Variants in WDR26 observed in about 807,000 individuals in gnomAD.
WDR26 encodes WD repeat-containing protein 26.
WDR26 carries 5 observed loss-of-function variants against 84.1 expected under a neutral mutation model. The observed-to-expected ratio is 0.06, with a 90% CI of 0.03 to 0.13. WDR26 has a LOEUF of 0.13. Among genes scored for constraint, WDR26 ranks in the 10% least tolerant of loss-of-function variants. The probability of loss-of-function intolerance (pLI) is 1.00; values close to 1 mark genes in which losing one functional copy is unlikely to be tolerated. For synonymous variants in WDR26, 415 were observed against 389.6 expected (o/e 1.07, Z -0.77); for missense variants, 642 against 974.9 (o/e 0.66, Z 4.55).
chr1:224,422,701 T>C (rs1012209918), intron 4 of WDR26, among the ~76,000 whole-genome samples: 8 of 127,704 alleles, frequency 6.3e-5, no homozygotes, highest in Non-Finnish European at 1.3e-4. Context: ...GTGACAATAG[T>C]GAAACTCTGT....
intron 11 of WDR26, 140 bp from the exon 12 acceptor site, chr1:224,398,366 G>A: frequency 7.7e-7 from 1 of 1,291,812 alleles, no homozygotes; most frequent in Admixed American, 2.9e-5. Flanking sequence ...CAAATTTATG[G>A]TTGATTATAC....
intron 8 of WDR26, among the ~76,000 whole-genome samples, chr1:224,404,157 T>C (rs190187997): frequency 2.0e-5 from 3 of 152,300 alleles, no homozygotes; most frequent in East Asian, 1.9e-4. Flanking sequence ...TATAAAATTC[T>C]TTCTGAAGAA....
At chr1:224,419,452 AT>A in intron 5 of WDR26, 65 bp downstream of exon 5, 3 of 1,219,154 alleles carry the variant, frequency 2.5e-6, no homozygotes, top group South Asian at 2.4e-5. Context: ...TGTCTTCCTA[AT>A]TGATCACTGT....
At chr1:224,428,698 A>G (rs925995531) in intron 3 of WDR26, among the ~76,000 whole-genome samples, 9 of 151,206 alleles carry the variant, frequency 6.0e-5, no homozygotes, top group Admixed American at 2.6e-4. Flanking sequence ...GGAGTTCGAG[A>G]CCAGCCTGAC....
chr1:224,427,704 T>C (rs946189656), intron 3 of WDR26, among the ~76,000 whole-genome samples: 7 of 152,278 alleles, frequency 4.6e-5, no homozygotes, highest in African/African-American at 1.7e-4. Context: ...TGAAAGAAAA[T>C]GTTTATTCTC....
In WDR26 at chr1:224,385,675, C is replaced by G. The variant is rs1169526407; in HGVS notation, c.*4160G>C. On this transcript the variant is annotated 3_prime_UTR_variant, in exon 14 of 14. Transcript: ENST00000414423. ...AGCTTGGTTTGTAAGTACATACATGCTTTTGTGGATCTATTCCCCTCGCCA... is the reference window on the plus strand; with the variant it reads ...AGCTTGGTTTGTAAGTACATACATGGTTTTGTGGATCTATTCCCCTCGCCA... 6.6e-6 allele frequency: 1 copy of G among 152,594 alleles called. No individual in the cohort carries two copies. Among genetic ancestry groups the G allele is most frequent in the Non-Finnish European group, 1.5e-5 (1 of 68,032 alleles). 9.5% of individuals were successfully genotyped at this position (152,594 alleles called of 1,614,324 possible). A position where few individuals can be genotyped will look rare whatever the true frequency, so the allele number is the denominator to read the frequency against.
At chr1:224,389,921 A>T in intron 13 of WDR26, 61 bp from the exon 14 acceptor site, 1 of 1,251,466 alleles carries the variant, frequency 8.0e-7, no homozygotes, top group Non-Finnish European at 1.1e-6. Context: ...GGGGAAGGAG[A>T]GAAAAAAATT....
chr1:224,399,099 CAA>C lies in WDR26; in HGVS notation c.1720-67_1720-66del. The C allele has an allele frequency of 2.9e-6, 4 of 1,383,900 alleles. No individual in the cohort carries two copies. In the South Asian group the frequency reaches 7.1e-5, roughly 24 times the overall value. The allele number at this position is 1,383,900 out of a possible 1,614,324, so 85.7% of individuals were successfully genotyped here. A position where few individuals can be genotyped will look rare whatever the true frequency, so the allele number is the denominator to read the frequency against. On this transcript the variant is annotated intron_variant, in intron 9 of 13. Coordinates refer to ENST00000414423, the MANE Select transcript of WDR26 (RefSeq NM_001379403.1). Reference sequence around the variant, plus strand: ...AGCACTCAGAAAGCAAATAAAGAACCAAAAGACTCCCTTCACAATATCTTTTA... The same window carrying C: ...AGCACTCAGAAAGCAAATAAAGAACCAAGACTCCCTTCACAATATCTTTTA...
intron 1 of WDR26, among the ~76,000 whole-genome samples, chr1:224,432,343 C>A (rs368520597): frequency 2.0e-4 from 31 of 152,236 alleles, no homozygotes; most frequent in African/African-American, 7.5e-4. Flanking sequence ...GAGTTATTTC[C>A]TCCTGCTGCT....
intron 4 of WDR26, among the ~76,000 whole-genome samples, chr1:224,421,041 A>G (rs559606269): frequency 6.6e-6 from 1 of 152,232 alleles, no homozygotes; most frequent in Non-Finnish European, 1.5e-5. Flanking sequence ...GTGAAAATAC[A>G]TATTAAATCT....
At chr1:224,405,095 C>T (rs1013162347) in intron 7 of WDR26, among the ~76,000 whole-genome samples, 31 of 152,116 alleles carry the variant, frequency 2.0e-4, no homozygotes, top group Admixed American at 1.3e-4. Flanking sequence ...CCATACCCCT[C>T]CCTGCAGCCC....
intron 1 of WDR26, among the ~76,000 whole-genome samples, chr1:224,432,002 G>GT (rs1234472929): frequency 2.0e-5 from 3 of 152,170 alleles, no homozygotes; most frequent in Non-Finnish European, 2.9e-5. Flanking sequence ...CAGAATCAAT[G>GT]TAAGTTCTTC....
intron 3 of WDR26, 105 bp from the exon 4 acceptor site, chr1:224,424,759 A>C: frequency 1.4e-6 from 2 of 1,444,458 alleles, no homozygotes; most frequent in Non-Finnish European, 1.9e-6. Context: ...ATGCCCTTTG[A>C]AATAACTTTT....
chr1:224,427,233 T>G (rs1674256979), intron 3 of WDR26, among the ~76,000 whole-genome samples: 1 of 151,990 alleles, frequency 6.6e-6, no homozygotes, highest in Admixed American at 6.6e-5. Flanking sequence ...GAGCATGAGA[T>G]GTAATTTCTT....
At chr1:224,433,542 TA>T in intron 1 of WDR26, 141 bp downstream of exon 1, 1 of 1,193,576 alleles carries the variant, frequency 8.4e-7, no homozygotes, top group South Asian at 1.8e-5. Context: ...TCCTCCTGTG[TA>T]CTGGGTCCTG....
chr1:224,393,043 CT>C (rs1292269523), intron 13 of WDR26, among the ~76,000 whole-genome samples: 1 of 152,092 alleles, frequency 6.6e-6, no homozygotes, highest in Non-Finnish European at 1.5e-5. Flanking sequence ...TATCTCTTTG[CT>C]GTAGTACTGA....
chr1:224,425,347 G>A (rs1048354919), intron 3 of WDR26, among the ~76,000 whole-genome samples: 3 of 152,158 alleles, frequency 2.0e-5, no homozygotes, highest in Admixed American at 1.3e-4. Flanking sequence ...TGAACTTAAA[G>A]GTTTTTAAAA....
rs957867561 is a variant in WDR26, at chr1:224,389,007, G to A, written c.*828C>T. 1 of 152,554 alleles carries A rather than the reference G, an allele frequency of 6.6e-6. No individual in the cohort carries two copies. Among genetic ancestry groups the A allele is most frequent in the Non-Finnish European group, 1.5e-5 (1 of 68,026 alleles). 9.5% of individuals were successfully genotyped at this position (152,554 alleles called of 1,614,324 possible). ...AATTTCTTGTGTAATGTCCTTCCAAGCACTGTTTCTGACCATGTCTCATGT... is the reference window on the plus strand; with the variant it reads ...AATTTCTTGTGTAATGTCCTTCCAAACACTGTTTCTGACCATGTCTCATGT... On this transcript the variant is annotated 3_prime_UTR_variant, in exon 14 of 14. Transcript: ENST00000414423.
rs537871897 is a variant in WDR26, at chr1:224,433,719, C to T, written c.687G>A (p.Arg229=). The change falls in exon 1 of 14, where the codon AGG becomes AGA. Residue 229 remains arginine (R), a synonymous_variant. Coordinates refer to ENST00000414423, the MANE Select transcript of WDR26 (RefSeq NM_001379403.1). ...AGCCATTCAAGTGCTGTCCTATTAGCCTAATGACATCCTCATCTGACTGGG... is the reference window on the plus strand; with the variant it reads ...AGCCATTCAAGTGCTGTCCTATTAGTCTAATGACATCCTCATCTGACTGGG... The T allele has an allele frequency of 2.1e-5, 32 of 1,532,308 alleles. No individual in the cohort carries two copies. In the East Asian group the frequency reaches 4.4e-4, roughly 21 times the overall value. 94.9% of individuals were successfully genotyped at this position (1,532,308 alleles called of 1,614,324 possible). A position where few individuals can be genotyped will look rare whatever the true frequency, so the allele number is the denominator to read the frequency against.
Sources: allele counts gnomAD v4.1 joint callset (sites outside exome capture counted in the v4.1 genomes callset), GRCh38; gene constraint gnomAD v4.1.1; transcripts MANE v1.5; gene names NCBI Gene and HGNC (gene_info 2026-07-23, HGNC 2026-07-21).